Variants in GOLGA4 observed in about 807,000 individuals in gnomAD.
GOLGA4 encodes golgin subfamily A member 4.
A neutral mutation model predicts 265.9 loss-of-function variants in GOLGA4; 169 were observed. That is an observed-to-expected ratio of 0.64 (90% CI 0.56 to 0.72). GOLGA4 has a LOEUF of 0.72. Ranked by LOEUF, GOLGA4 falls within the 30% of genes least tolerant of loss-of-function variation. The pLI is 0.00. For missense variants in GOLGA4, 2,482 were observed against 2,483.4 expected, an observed-to-expected ratio of 1.00 and a Z score of 0.01; for synonymous variants, 923 against 855.8, an observed-to-expected ratio of 1.08 and a Z score of -1.37.
At chr3:37,362,700 TTTTATTTTGTAG>T (rs1696406459) in intron 23 of GOLGA4, among the ~76,000 whole-genome samples, 1 of 151,324 alleles carries the variant, frequency 6.6e-6, no homozygotes, top group Admixed American at 6.6e-5. Context: ...TTTTATTTTA[TTTTATTTTGTAG>T]TGATGGTCTT....
chr3:37,329,178 G>T, intron 16 of GOLGA4, 85 bp downstream of exon 16: 3 of 1,171,324 alleles, frequency 2.6e-6, no homozygotes, highest in Admixed American at 2.7e-5. Flanking sequence ...CTTTTCAAAT[G>T]TGTTTTTTGA....
rs917429000 is a variant in GOLGA4 at position 37,280,422 on chromosome 3, G to C, written c.163-1536G>C. ...AAATATGATATAAAATTACCTTCAG[G>C]CTATCTGTATAAGGTGTATATGAAA... On this transcript the variant is annotated intron_variant, in intron 2 of 23. Transcript: ENST00000361924. 4.6e-5 allele frequency among the ~76,000 whole-genome samples: 7 copies of C among 152,132 alleles called. No homozygotes were observed. The South Asian group carries it at 1.2e-3, about 27-fold the overall frequency.
chr3:37,286,911 A>C (rs774740296), intron 4 of GOLGA4, among the ~76,000 whole-genome samples: 3 of 152,208 alleles, frequency 2.0e-5, no homozygotes, highest in Non-Finnish European at 2.9e-5. Context: ...TGGCCCCACT[A>C]TGTCATCCTG....
At chr3:37,316,958 T>C (rs967901130) in intron 11 of GOLGA4, among the ~76,000 whole-genome samples, 10 of 152,170 alleles carry the variant, frequency 6.6e-5, no homozygotes, top group Admixed American at 2.6e-4. Context: ...GCATGTTATA[T>C]AGAATGTTCT....
chr3:37,313,118 G>A (rs1389565563), intron 10 of GOLGA4, among the ~76,000 whole-genome samples: 2 of 151,990 alleles, frequency 1.3e-5, no homozygotes, highest in African/African-American at 2.4e-5. Context: ...CAGGATAATC[G>A]CTTGAACCTG....
intron 15 of GOLGA4, 118 bp downstream of exon 15, chr3:37,328,655 CT>C: frequency 1.0e-6 from 1 of 973,740 alleles, no homozygotes; most frequent in Non-Finnish European, 1.5e-6. Context: ...AGAAATAATC[CT>C]TGCCCAATAA....
chr3:37,306,749 G>A (rs1428312744), intron 10 of GOLGA4, among the ~76,000 whole-genome samples: 4 of 151,554 alleles, frequency 2.6e-5, no homozygotes, highest in Admixed American at 1.3e-4. Context: ...ACACTTTTAC[G>A]TGTTGCTAAA....
Position 37,325,461 on chromosome 3 carries a change from A to C in GOLGA4, c.3575A>C (p.His1192Pro). The part of the protein sequence containing the change: ...DEEFQSLKSS[H>P]EKSNKSLEDK... ...GAATTCCAGAGTTTGAAATCTTCAC[A>C]TGAAAAAAGTAACAAAAGCCTAGAG... Residue 1192 changes from histidine (H) to proline (P), a missense_variant, in exon 14 of 24, where the codon CAT becomes CCT. Transcript: ENST00000361924. The C allele has an allele frequency of 6.2e-7, 1 of 1,611,918 alleles. No individual in the cohort carries two copies. The highest frequency in any genetic ancestry group is 2.2e-5 in the East Asian group (1 of 44,846).
At chr3:37,266,285 C>T (rs970837725) in intron 2 of GOLGA4, among the ~76,000 whole-genome samples, 11 of 151,988 alleles carry the variant, frequency 7.2e-5, no homozygotes, top group African/African-American at 2.4e-4. Flanking sequence ...CTGCAACCTC[C>T]GCCTCCCAGG....
Position 37,282,224 on chromosome 3 carries a change from G to A in GOLGA4, c.429G>A (p.Leu143=). ...ACAAAGAACAGTTGATTCAGCGGTT[G>A]CGAAGAATGGAACGAAGCTTAAGTA... ...SLNKEQLIQR[L]RRMERSLSSY... Residue 143 remains leucine, a synonymous_variant, in exon 3 of 24, where the codon TTG becomes TTA. Transcript: ENST00000361924. The A allele has an allele frequency of 6.2e-7, 1 of 1,614,190 alleles. No individual in the cohort carries two copies. The highest frequency in any genetic ancestry group is 8.5e-7 in the Non-Finnish European group (1 of 1,180,020).
chr3:37,364,653 C>A (rs1208335878), intron 23 of GOLGA4, among the ~76,000 whole-genome samples: 1 of 150,242 alleles, frequency 6.7e-6, no homozygotes, highest in African/African-American at 2.5e-5. Flanking sequence ...GTGGCGTGAA[C>A]ACAGTTCACT....
At chr3:37,294,786 T>C (rs996724391) in intron 5 of GOLGA4, among the ~76,000 whole-genome samples, 193 bp from the exon 6 acceptor site, 4 of 152,208 alleles carry the variant, frequency 2.6e-5, no homozygotes, top group Admixed American at 2.6e-4. Flanking sequence ...TCATATTCTT[T>C]AAGGAACAAA....
At chr3:37,260,048 A>G (rs943336464) in intron 2 of GOLGA4, among the ~76,000 whole-genome samples, 5 of 151,920 alleles carry the variant, frequency 3.3e-5, no homozygotes, top group African/African-American at 7.3e-5. Context: ...TATCACAGGT[A>G]CTTTTTACAG....
intron 21 of GOLGA4, among the ~76,000 whole-genome samples, chr3:37,348,438 C>G (rs1221772248): frequency 6.6e-6 from 1 of 151,816 alleles, no homozygotes; most frequent in East Asian, 1.9e-4. Context: ...TCAAAAAGTT[C>G]AAGGGTAGCT....
chr3:37,354,790 T>G (rs2097085885), intron 21 of GOLGA4, among the ~76,000 whole-genome samples: 2 of 152,094 alleles, frequency 1.3e-5, no homozygotes, highest in Admixed American at 6.6e-5. Context: ...TTTCTGCAAA[T>G]AAGCCTTTTA....
chr3:37,341,919 T>G (rs1423822235), intron 20 of GOLGA4, among the ~76,000 whole-genome samples: 2 of 152,172 alleles, frequency 1.3e-5, no homozygotes, highest in African/African-American at 4.8e-5. Context: ...CGTTTTTGTC[T>G]TTTTTAAAAC....
chr3:37,332,220 G>T (rs1254598132), intron 16 of GOLGA4, among the ~76,000 whole-genome samples: 2 of 152,220 alleles, frequency 1.3e-5, no homozygotes, highest in Non-Finnish European at 2.9e-5. Context: ...ACCATAGCTT[G>T]TTCTTCACTG....
chr3:37,314,614 C>G (rs1333428775), intron 10 of GOLGA4, among the ~76,000 whole-genome samples: 3 of 149,116 alleles, frequency 2.0e-5, no homozygotes, highest in Admixed American at 1.4e-4. Flanking sequence ...GCACTCCATC[C>G]TGGGTGACGG....
chr3:37,264,816 C>T (rs565318788), intron 2 of GOLGA4, among the ~76,000 whole-genome samples: 3 of 152,268 alleles, frequency 2.0e-5, no homozygotes, highest in Admixed American at 2.0e-4. Flanking sequence ...CTACCTCAGC[C>T]TCCCAGGTAG....
Sources: allele counts gnomAD v4.1 joint callset (sites outside exome capture counted in the v4.1 genomes callset), GRCh38; gene constraint gnomAD v4.1.1; transcripts MANE v1.5; gene names NCBI Gene and HGNC (gene_info 2026-07-23, HGNC 2026-07-21).